Variants in TRERF1 observed in about 807,000 individuals in gnomAD.
TRERF1 encodes transcriptional regulating factor 1.
In TRERF1, 27 loss-of-function variants were observed where a neutral mutation model predicts 122.9. That is an observed-to-expected ratio of 0.22 (90% CI 0.16 to 0.30). TRERF1 has a LOEUF of 0.30. TRERF1 is among the 10% of genes least tolerant of loss of function. The pLI, the probability that TRERF1 is intolerant of heterozygous loss-of-function variation, is 1.00. For missense variants in TRERF1, 1,248 were observed against 1,560.3 expected, an observed-to-expected ratio of 0.80 and a Z score of 3.37; for synonymous variants, 636 against 641.7, an observed-to-expected ratio of 0.99 and a Z score of 0.13.
At chr6:42,336,278 G>T (rs915425245) in intron 3 of TRERF1, among the ~76,000 whole-genome samples, 1 of 152,112 alleles carries the variant, frequency 6.6e-6, no homozygotes, top group Admixed American at 6.5e-5. Flanking sequence ...CAGGATCCAG[G>T]AGCACCTGTT....
intron 2 of TRERF1, among the ~76,000 whole-genome samples, chr6:42,369,650 T>C (rs951549281): frequency 1.3e-5 from 2 of 152,224 alleles, no homozygotes; most frequent in Non-Finnish European, 2.9e-5. Flanking sequence ...CTGCCAACTT[T>C]TGTTTTGTCA....
intron 2 of TRERF1, among the ~76,000 whole-genome samples, chr6:42,408,365 ATATAT>A (rs1780608778): frequency 1.1e-5 from 1 of 87,960 alleles, no homozygotes; most frequent in African/African-American, 3.6e-5. Flanking sequence ...GTATATATAT[ATATAT>A]ATCTTTTTTT....
At chr6:42,249,266 T>C (rs1308169407) in intron 13 of TRERF1, among the ~76,000 whole-genome samples, 1 of 152,140 alleles carries the variant, frequency 6.6e-6, no homozygotes, top group Non-Finnish European at 1.5e-5. Context: ...TTTCCTAAGT[T>C]AGAGTGCAGC....
chr6:42,403,933 C>G (rs182674315), intron 2 of TRERF1, among the ~76,000 whole-genome samples: 1 of 151,380 alleles, frequency 6.6e-6, no homozygotes, highest in Non-Finnish European at 1.5e-5. Flanking sequence ...TCCATGAGAC[C>G]CCCCCCAGGC....
At chr6:42,374,816 T>C (rs556514058) in intron 2 of TRERF1, among the ~76,000 whole-genome samples, 1 of 152,094 alleles carries the variant, frequency 6.6e-6, no homozygotes, top group South Asian at 2.1e-4. Context: ...GAGGCCACTC[T>C]GGGCAACATG....
At chr6:42,427,121 G>A (rs954835404) in intron 2 of TRERF1, among the ~76,000 whole-genome samples, 1 of 151,724 alleles carries the variant, frequency 6.6e-6, no homozygotes, top group Non-Finnish European at 1.5e-5. Flanking sequence ...AGAAGCTCGA[G>A]ACCAGCCTGG....
intron 3 of TRERF1, 189 bp downstream of exon 3, chr6:42,362,808 A>G (rs182614424): frequency 1.9e-5 from 3 of 153,848 alleles, no homozygotes; most frequent in African/African-American, 7.2e-5. Flanking sequence ...GCTGCCAAAA[A>G]CCATTATGTG....
intron 12 of TRERF1, 24 bp from the exon 13 acceptor site, chr6:42,254,950 G>A (rs1776463506): frequency 6.2e-7 from 1 of 1,612,592 alleles, no homozygotes; most frequent in African/African-American, 1.3e-5. Flanking sequence ...GGAGAGAAAA[G>A]GCAAGAGTCA....
intron 16 of TRERF1, among the ~76,000 whole-genome samples, chr6:42,233,479 G>GT (rs1253859263): frequency 2.9e-4 from 44 of 151,944 alleles, no homozygotes; most frequent in Admixed American, 2.6e-3. Flanking sequence ...TAGAGACAGG[G>GT]TTTCACCGTG....
intron 3 of TRERF1, among the ~76,000 whole-genome samples, chr6:42,359,947 CA>C (rs1380001256): frequency 6.6e-6 from 1 of 150,896 alleles, no homozygotes; most frequent in East Asian, 1.9e-4. Flanking sequence ...TGAATTCTAA[CA>C]GAAAAAAAAA....
chr6:42,294,755 GA>G (rs1329440430), intron 4 of TRERF1, among the ~76,000 whole-genome samples: 1 of 152,152 alleles, frequency 6.6e-6, no homozygotes, highest in African/African-American at 2.4e-5. Flanking sequence ...TCCTGGTCCT[GA>G]AAAGGGTCTC....
intron 3 of TRERF1, among the ~76,000 whole-genome samples, chr6:42,301,993 G>T (rs1344864031): frequency 6.6e-6 from 1 of 152,182 alleles, no homozygotes; most frequent in Admixed American, 6.5e-5. Context: ...GGAGATAGGT[G>T]GTGGCACCCA....
At chr6:42,374,150 A>AGAAGAAG (rs1554193490) in intron 2 of TRERF1, among the ~76,000 whole-genome samples, 7 of 144,034 alleles carry the variant, frequency 4.9e-5, no homozygotes, top group African/African-American at 1.6e-4. Context: ...AAAAAAAAAA[A>AGAAGAAG]AAGAAGAAGA....
At chr6:42,254,776 A>G in intron 13 of TRERF1, 75 bp downstream of exon 13, 3 of 1,389,040 alleles carry the variant, frequency 2.2e-6, no homozygotes, top group Non-Finnish European at 3.1e-6. Flanking sequence ...ATCCATTGCT[A>G]GAAAGTGACA....
chr6:42,254,852 G>A (rs960815042), exon 13 of TRERF1: 8 of 1,614,088 alleles, frequency 5.0e-6, no homozygotes, highest in East Asian at 2.2e-5. Context: ...GCAACCTACC[G>A]GCATAGTGGT....
intron 2 of TRERF1, among the ~76,000 whole-genome samples, chr6:42,422,509 A>C (rs1469774004): frequency 5.2e-5 from 2 of 38,120 alleles, no homozygotes; most frequent in Non-Finnish European, 3.6e-4. Flanking sequence ...GTCTCCAAAA[A>C]AAAAAAAAAA....
At chr6:42,291,435 C>T (rs368447934) in intron 4 of TRERF1, among the ~76,000 whole-genome samples, 3 of 148,182 alleles carry the variant, frequency 2.0e-5, no homozygotes, top group South Asian at 2.1e-4. Flanking sequence ...GAAAAAGAAG[C>T]TGATGCACTT....
chr6:42,277,703 T>A lies in TRERF1; in HGVS notation c.-258-7855A>T, dbSNP rs114456528. On this transcript the variant is annotated intron_variant, in intron 4 of 17. Transcript: ENST00000372922. ...CCATTTCTACAAACAATTAGCTGGG[T>A]GTAGTGGCGTGCGCCTGTAGTCCCA... 6.3e-3 allele frequency among the ~76,000 whole-genome samples: 954 copies of A among 152,018 alleles called. 6 individuals carry two copies. The highest frequency in any genetic ancestry group is 0.022 in the African/African-American group (919 of 41,454).
intron 2 of TRERF1, among the ~76,000 whole-genome samples, chr6:42,399,578 G>A (rs77884186): frequency 2.0e-5 from 3 of 152,170 alleles, no homozygotes; most frequent in Admixed American, 6.5e-5. Context: ...ATGCAGTCCC[G>A]GTGTAGCTTT....
Sources: allele counts gnomAD v4.1 joint callset (sites outside exome capture counted in the v4.1 genomes callset), GRCh38; gene constraint gnomAD v4.1.1; transcripts MANE v1.5; gene names NCBI Gene and HGNC (gene_info 2026-07-23, HGNC 2026-07-21).